UNC5C: variants seen among roughly 807,000 people sequenced by gnomAD.
The protein encoded by UNC5C is unc-5 netrin receptor C.
A neutral mutation model predicts 99.8 loss-of-function variants in UNC5C; 47 were observed. The observed-to-expected ratio is 0.47, with a 90% CI of 0.37 to 0.60. The LOEUF (loss-of-function observed/expected upper bound fraction) is 0.60. Ranked by LOEUF, UNC5C falls within the 20% of genes least tolerant of loss-of-function variation. UNC5C has a pLI of 0.00. For missense variants in UNC5C, 1,062 were observed against 1,165.9 expected (o/e 0.91, Z 1.30); for synonymous variants, 487 against 452.2 (o/e 1.08, Z -0.98).
intron 1 of UNC5C, among the ~76,000 whole-genome samples, chr4:95,498,315 C>G (rs935467621): frequency 6.6e-6 from 1 of 151,820 alleles, no homozygotes; most frequent in African/African-American, 2.4e-5. Context: ...TATTTTCTAG[C>G]CTCAAATCAG....
rs1735945452 is a variant in UNC5C at position 95,168,501 on chromosome 4, T to G, written c.*733A>C. On this transcript the variant is annotated 3_prime_UTR_variant, in exon 16 of 16. Coordinates refer to ENST00000453304, the MANE Select transcript of UNC5C (RefSeq NM_003728.4). ...AACACACATGTTGTGAAAAAAATGC[T>G]TGTTTGTGGGGTTGAACATGAATCA... is the stretch of plus-strand genomic sequence containing the variant. 1 of 152,648 alleles carries G rather than the reference T, an allele frequency of 6.6e-6. No homozygotes were observed. Among genetic ancestry groups the G allele is most frequent in the South Asian group, 2.1e-4 (1 of 4,830 alleles). 9.5% of individuals were successfully genotyped at this position (152,648 alleles called of 1,614,324 possible).
intron 1 of UNC5C, among the ~76,000 whole-genome samples, chr4:95,360,328 T>C (rs1297847902): frequency 6.6e-6 from 1 of 152,122 alleles, no homozygotes; most frequent in Non-Finnish European, 1.5e-5. Flanking sequence ...ATCTGTAAGT[T>C]AAAGGAAAAA....
chr4:95,502,976 T>C (rs1721815760), intron 1 of UNC5C, among the ~76,000 whole-genome samples: 1 of 152,198 alleles, frequency 6.6e-6, no homozygotes, highest in African/African-American at 2.4e-5. Context: ...CTCTTTTAAC[T>C]TTTATTTATA....
At chr4:95,230,469 G>A (rs1671634645) in intron 7 of UNC5C, among the ~76,000 whole-genome samples, 1 of 151,966 alleles carries the variant, frequency 6.6e-6, no homozygotes, top group Admixed American at 6.6e-5. Context: ...TGTCAATTTT[G>A]GCTTTTGTTG....
intron 1 of UNC5C, among the ~76,000 whole-genome samples, chr4:95,385,028 G>C (rs987792490): frequency 2.7e-4 from 19 of 71,052 alleles, no homozygotes; most frequent in African/African-American, 9.3e-4. Flanking sequence ...TTTGTGCCCA[G>C]GGGGAGGTCT....
chr4:95,514,947 C>T (rs998916103), intron 1 of UNC5C, among the ~76,000 whole-genome samples: 64 of 151,984 alleles, frequency 4.2e-4, no homozygotes, highest in African/African-American at 1.4e-3. Context: ...GCTGGGATTA[C>T]AGCCATGAGC....
At chr4:95,437,478 T>A (rs1010522515) in intron 1 of UNC5C, among the ~76,000 whole-genome samples, 4 of 151,950 alleles carry the variant, frequency 2.6e-5, no homozygotes, top group Non-Finnish European at 5.9e-5. Flanking sequence ...TAAAAGGAAC[T>A]TGTAGCACTT....
chr4:95,254,780 C>T (rs775334980), intron 4 of UNC5C, among the ~76,000 whole-genome samples: 5 of 152,342 alleles, frequency 3.3e-5, no homozygotes, highest in Non-Finnish European at 5.9e-5. Flanking sequence ...TTCTGTCTTT[C>T]CTATTCACTC....
chr4:95,215,280 C>T (rs557630290), intron 10 of UNC5C, among the ~76,000 whole-genome samples: 25 of 152,340 alleles, frequency 1.6e-4, no homozygotes, highest in Middle Eastern at 6.8e-3. Context: ...TGCTCTTCCC[C>T]TTGGGAAAAA....
At chr4:95,250,209 G>A (rs1308705501) in intron 5 of UNC5C, among the ~76,000 whole-genome samples, 4 of 152,052 alleles carry the variant, frequency 2.6e-5, no homozygotes, top group Non-Finnish European at 5.9e-5. Flanking sequence ...AGCAAGCAGC[G>A]ATGGAGATTG....
chr4:95,385,442 T>A (rs1745187116), intron 1 of UNC5C, among the ~76,000 whole-genome samples: 1 of 152,220 alleles, frequency 6.6e-6, no homozygotes, highest in Admixed American at 6.5e-5. Flanking sequence ...TTCCATTTCA[T>A]AGAACTATAG....
At chr4:95,399,391 T>TTTTTAAAAATTTTGCA (rs1745621006) in intron 1 of UNC5C, among the ~76,000 whole-genome samples, 1 of 152,178 alleles carries the variant, frequency 6.6e-6, no homozygotes, top group Non-Finnish European at 1.5e-5. Flanking sequence ...TTAATGAGGA[T>TTTTTAAAAATTTTGCA]TTTTAAAAAT....
intron 1 of UNC5C, among the ~76,000 whole-genome samples, chr4:95,341,425 T>TTG (rs2149424048): frequency 6.7e-6 from 1 of 150,330 alleles, no homozygotes; most frequent in African/African-American, 2.4e-5. Context: ...TTTGGCCAGT[T>TTG]TGTGTAGAAT....
chr4:95,309,905 C>A (rs1350920610), intron 2 of UNC5C, among the ~76,000 whole-genome samples: 1 of 152,130 alleles, frequency 6.6e-6, no homozygotes, highest in African/African-American at 2.4e-5. Context: ...AATAAAACTA[C>A]CATATGATCC....
chr4:95,350,579 AC>A (rs1309130529), intron 1 of UNC5C, among the ~76,000 whole-genome samples: 13 of 152,250 alleles, frequency 8.5e-5, no homozygotes, highest in Admixed American at 4.6e-4. Flanking sequence ...AATTTGAAGA[AC>A]AAAAAAAGAT....
chr4:95,167,968 A>C lies in UNC5C; in HGVS notation c.*1266T>G, dbSNP rs1735921608. On this transcript the variant is annotated 3_prime_UTR_variant, in exon 16 of 16. Transcript: ENST00000453304. ...TGAGGACACTGAGGTCGTGTGGTTA[A>C]ATGACTTTCTCAAGGTGGCGCAACA... 1 of 152,190 alleles carries C rather than the reference A, an allele frequency of 6.6e-6. No homozygotes were observed. Among genetic ancestry groups the C allele is most frequent in the Non-Finnish European group, 1.5e-5 (1 of 68,026 alleles). 9.4% of individuals were successfully genotyped at this position (152,190 alleles called of 1,614,324 possible). A position where few individuals can be genotyped will look rare whatever the true frequency, so the allele number is the denominator to read the frequency against.
chr4:95,219,910 A>G, intron 8 of UNC5C, 75 bp downstream of exon 8: 1 of 1,467,564 alleles, frequency 6.8e-7, no homozygotes, highest in South Asian at 1.4e-5. Context: ...GCTGAATGAG[A>G]TGACTCTAAA....
intron 1 of UNC5C, among the ~76,000 whole-genome samples, chr4:95,367,290 T>C (rs981578388): frequency 6.6e-6 from 1 of 150,696 alleles, no homozygotes; most frequent in African/African-American, 2.4e-5. Context: ...CACCTTAGCC[T>C]CACAAGTAGT....
At chr4:95,539,586 G>A (rs1722865231) in intron 1 of UNC5C, among the ~76,000 whole-genome samples, 1 of 152,008 alleles carries the variant, frequency 6.6e-6, no homozygotes, top group African/African-American at 2.4e-5. Context: ...TTGGTTTTTT[G>A]AGGATATTGC....
Sources: gnomAD v4.1 joint callset for allele counts (sites outside exome capture counted in the v4.1 genomes callset) on GRCh38, gnomAD v4.1.1 for gene constraint, MANE v1.5 for transcripts, NCBI Gene and HGNC (gene_info 2026-07-23, HGNC 2026-07-21) for gene names.